TRPM3: variants seen among roughly 807,000 people sequenced by gnomAD.
The protein encoded by TRPM3 is long transient receptor potential channel 3.
TRPM3 carries 77 observed loss-of-function variants against 181.2 expected under a neutral mutation model. That is an observed-to-expected ratio of 0.42 (90% confidence interval 0.35 to 0.51). TRPM3 has a LOEUF of 0.51. Ranked by LOEUF, TRPM3 falls within the 20% of genes least tolerant of loss-of-function variation. The pLI is 0.01. For synonymous variants in TRPM3, 745 were observed against 796.4 expected (o/e 0.94, Z 1.09); for missense variants, 1,759 against 2,196.7 (o/e 0.80, Z 3.98).
At chr9:70,651,555 C>A (rs540157867) in intron 9 of TRPM3, among the ~76,000 whole-genome samples, 1 of 152,106 alleles carries the variant, frequency 6.6e-6, no homozygotes, top group Non-Finnish European at 1.5e-5. Flanking sequence ...ACATACTGTT[C>A]CAGACAAAGG....
intron 1 of TRPM3, among the ~76,000 whole-genome samples, chr9:71,260,548 C>G (rs1243535728): frequency 6.6e-6 from 1 of 151,936 alleles, no homozygotes; most frequent in African/African-American, 2.4e-5. Context: ...TGTGTCTTCT[C>G]ATTTCCTTGA....
At chr9:70,863,852 A>T (rs1006322843) in intron 2 of TRPM3, among the ~76,000 whole-genome samples, 7 of 152,134 alleles carry the variant, frequency 4.6e-5, no homozygotes, top group African/African-American at 9.6e-5. Context: ...GCAAGGTTAC[A>T]CGGATAGTCT....
intron 7 of TRPM3, among the ~76,000 whole-genome samples, chr9:70,779,508 C>A (rs1039678001): frequency 6.6e-6 from 1 of 152,144 alleles, no homozygotes; most frequent in African/African-American, 2.4e-5. Flanking sequence ...CACTGATTGA[C>A]AAGTGACAGG....
intron 1 of TRPM3, among the ~76,000 whole-genome samples, chr9:71,241,269 T>C (rs1178495125): frequency 2.6e-5 from 4 of 152,146 alleles, no homozygotes; most frequent in African/African-American, 9.6e-5. Context: ...CTGGCAAAGC[T>C]GCCTAAGCTT....
chr9:70,956,753 G>A (rs1049432607), intron 1 of TRPM3, among the ~76,000 whole-genome samples: 2 of 151,758 alleles, frequency 1.3e-5, no homozygotes, highest in African/African-American at 2.4e-5. Context: ...AGGTGAAGTA[G>A]CACTCATCTA....
intron 1 of TRPM3, among the ~76,000 whole-genome samples, chr9:71,289,875 CAAAA>C (rs71352367): frequency 3.8e-4 from 15 of 39,786 alleles, no homozygotes; most frequent in Admixed American, 1.3e-3. Flanking sequence ...GACTCTGTCT[CAAAA>C]AAAAAAAAAA....
intron 1 of TRPM3, among the ~76,000 whole-genome samples, chr9:70,956,173 C>G (rs930426944): frequency 3.9e-5 from 6 of 151,956 alleles, no homozygotes; most frequent in African/African-American, 1.5e-4. Flanking sequence ...GCATGTTGGG[C>G]GTAACAGACC....
chr9:70,944,982 G>T (rs1040893662), intron 1 of TRPM3, among the ~76,000 whole-genome samples: 1 of 151,834 alleles, frequency 6.6e-6, no homozygotes, highest in African/African-American at 2.4e-5. Flanking sequence ...TAAGTATAAG[G>T]CTTCAACAGA....
intron 1 of TRPM3, among the ~76,000 whole-genome samples, chr9:70,990,963 A>G (rs1253926492): frequency 6.6e-6 from 1 of 152,208 alleles, no homozygotes; most frequent in African/African-American, 2.4e-5. Flanking sequence ...CCTTTCTAAT[A>G]TAAATAACTG....
intron 8 of TRPM3, among the ~76,000 whole-genome samples, chr9:70,746,690 G>GT (rs1342449875): frequency 3.3e-5 from 5 of 151,940 alleles, no homozygotes; most frequent in Admixed American, 1.3e-4. Context: ...TCACATTGGG[G>GT]TAAAAAAAAA....
At chr9:71,412,269 G>A (rs981506710) in intron 1 of TRPM3, among the ~76,000 whole-genome samples, 10 of 152,176 alleles carry the variant, frequency 6.6e-5, no homozygotes, top group Non-Finnish European at 1.5e-5. Flanking sequence ...AAACTAAAGA[G>A]CTTCTGCACA....
rs200348600 is a variant in TRPM3, at chr9:70,537,296, C to T, written c.3817G>A (p.Gly1273Arg). ...IRLAQLEDLIGRMATALERLT... is the reference protein window; with the variant it reads ...IRLAQLEDLIRRMATALERLT... Reference sequence around the variant, plus strand: ...CGCTCCAGGGCCGTGGCCATGCGCCCGATAAGGTCTTCCAGCTGCGCCAGC... The same window carrying T: ...CGCTCCAGGGCCGTGGCCATGCGCCTGATAAGGTCTTCCAGCTGCGCCAGC... The change falls in exon 26 of 26, where the codon GGG becomes AGG. Residue 1273 changes from glycine (G) to arginine (R), a missense_variant. Gly to Arg is a moderately radical substitution (Grantham distance 125, BLOSUM62 -2). Coordinates refer to ENST00000677713, the MANE Select transcript of TRPM3 (RefSeq NM_001366145.2). The T allele has an allele frequency of 6.2e-5, 96 of 1,547,802 alleles. No homozygotes were observed. The highest frequency in any genetic ancestry group is 7.8e-5 in the Non-Finnish European group (89 of 1,144,472).
chr9:70,795,391 C>G (rs60706050), intron 6 of TRPM3, among the ~76,000 whole-genome samples: 14,866 of 152,086 alleles, frequency 0.098, 789 homozygotes, highest in East Asian at 0.11. Context: ...CAAAGTTTCT[C>G]GTTTGAATGT....
At chr9:70,582,396 T>G (rs537656610) in intron 22 of TRPM3, among the ~76,000 whole-genome samples, 1 of 152,346 alleles carries the variant, frequency 6.6e-6, no homozygotes, top group Middle Eastern at 3.4e-3. Flanking sequence ...ACAACATCAC[T>G]CTCTATCCTC....
In TRPM3 at chr9:70,827,765, C is replaced by G. The variant is rs759221998; in HGVS notation, c.973+82G>C. 6 of 1,481,098 alleles carry G rather than the reference C, an allele frequency of 4.1e-6. No individual in the cohort carries two copies. In the East Asian group the frequency reaches 1.1e-4, roughly 28 times the overall value. The allele number at this position is 1,481,098 out of a possible 1,614,324, so 91.7% of individuals were successfully genotyped here. A position where few individuals can be genotyped will look rare whatever the true frequency, so the allele number is the denominator to read the frequency against. The stretch of plus-strand genomic sequence containing the variant: ...TTAAAACTTGCTCAAGTTTTTATTA[C>G]ATTGCTGCATGGTGTACTTAAAGTT... On this transcript the variant is annotated intron_variant, in intron 6 of 25. Coordinates refer to ENST00000677713, the MANE Select transcript of TRPM3 (RefSeq NM_001366145.2).
intron 22 of TRPM3, among the ~76,000 whole-genome samples, chr9:70,564,961 A>G (rs532292987): frequency 6.6e-6 from 1 of 152,204 alleles, no homozygotes; most frequent in African/African-American, 2.4e-5. Context: ...TGCAGGCACT[A>G]ATTCCTCTCT....
rs553194246 is a variant in TRPM3, at chr9:70,974,495, C to T, written c.178-109984G>A. ...CGGAGCTTGCAGGGAGCCGAGAGCG[C>T]GCCACTGCACTCCAGCCTGGGCGAC... On this transcript the variant is annotated intron_variant, in intron 1 of 25. Coordinates refer to ENST00000677713, the MANE Select transcript of TRPM3 (RefSeq NM_001366145.2). 4.4e-3 allele frequency among the ~76,000 whole-genome samples: 664 copies of T among 152,100 alleles called. 2 individuals carry two copies. The highest frequency in any genetic ancestry group is 0.015 in the African/African-American group (621 of 41,500).
In TRPM3 at chr9:70,672,923, A is replaced by G. The variant is rs540316403; in HGVS notation, c.1345+8583T>C. On this transcript the variant is annotated intron_variant, in intron 9 of 25. Transcript: ENST00000677713. ...CGAGAATTTTAGGAAGTAGACATCC[A>G]GATCTGTTAATTAGTCGAGATCCCC... Among the ~76,000 whole-genome samples the G allele has an allele frequency of 1.2e-3, 180 of 152,272 alleles. 1 individual carries two copies. Among genetic ancestry groups the G allele is most frequent in the African/African-American group, 4.2e-3 (174 of 41,554 alleles).
intron 1 of TRPM3, among the ~76,000 whole-genome samples, chr9:71,000,271 A>G (rs1286122377): frequency 6.6e-6 from 1 of 152,196 alleles, no homozygotes; most frequent in African/African-American, 2.4e-5. Context: ...TACAATTCAG[A>G]ACCTTAAGAT....
Sources: gnomAD v4.1 joint callset for allele counts (sites outside exome capture counted in the v4.1 genomes callset) on GRCh38, gnomAD v4.1.1 for gene constraint, MANE v1.5 for transcripts, NCBI Gene and HGNC (gene_info 2026-07-23, HGNC 2026-07-21) for gene names.